PAPPA: variants seen among roughly 807,000 people sequenced by gnomAD.
The protein encoded by PAPPA is pappalysin-1.
In PAPPA, 60 loss-of-function variants were observed where a neutral mutation model predicts 164.0. That is an observed-to-expected ratio of 0.37 (90% CI 0.30 to 0.45). PAPPA has a LOEUF of 0.45. Among genes scored for constraint, PAPPA ranks in the 20% least tolerant of loss-of-function variants. PAPPA has a pLI of 1.00. For missense variants in PAPPA, 1,782 were observed against 2,087.3 expected, an observed-to-expected ratio of 0.85 and a Z score of 2.85; for synonymous variants, 875 against 814.1, an observed-to-expected ratio of 1.07 and a Z score of -1.27.
At position 116,265,919 on chromosome 9, in the gene PAPPA, G is replaced by C. The variant is rs777240844; in HGVS notation, c.2795G>C (p.Ser932Thr). Residue 932 changes from serine to threonine, a missense_variant, in exon 8 of 22, where the codon AGT (serine) becomes ACT (threonine). Ser to Thr is a moderately conservative substitution (Grantham distance 58). Transcript: ENST00000328252. ...ATAACTATTTCAGGAACTGAAGAGA[G>C]TGAGCCATCACCTGCTGTCACATAC... Reference protein sequence around the residue: ...WVITISGTEESEPSPAVTYIH... With the variant: ...WVITISGTEETEPSPAVTYIH... The C allele has an allele frequency of 2.5e-6, 4 of 1,612,454 alleles. No individual in the cohort carries two copies. The South Asian group carries it at 4.4e-5, about 18-fold the overall frequency.
intron 2 of PAPPA, among the ~76,000 whole-genome samples, chr9:116,189,976 A>G (rs1465985288): frequency 6.6e-6 from 1 of 152,246 alleles, no homozygotes; most frequent in Non-Finnish European, 1.5e-5. Context: ...GCTCCAAGAC[A>G]TGAGCAGCCC....
Position 116,187,965 on chromosome 9 carries a change from C to G in PAPPA, c.1227C>G (p.Leu409=), listed in dbSNP as rs369078654. The G allele has an allele frequency of 1.2e-6, 2 of 1,614,220 alleles. No individual in the cohort carries two copies. The highest frequency in any genetic ancestry group is 1.7e-5 in the Admixed American group (1 of 60,036). Residue 409 remains leucine, a synonymous_variant, in exon 2 of 22, where the codon CTC becomes CTG. Coordinates refer to ENST00000328252, the MANE Select transcript of PAPPA (RefSeq NM_002581.5). This position sits in a 1 kb window ranked among gnomAD's most constrained non-coding sequence, Gnocchi z 4.2. ...GCAACTCCTCCCTTCGCCGCCGCCT[C>G]ATCCTGGCCAACTGTGACATCAGCA... The part of the protein sequence containing the change: ...EVSNSSLRRR[L]ILANCDISKI...
chr9:116,211,919 C>A lies in PAPPA; in HGVS notation c.1905C>A (p.Phe635Leu), dbSNP rs1209100542. 5 of 1,614,008 alleles carry A rather than the reference C, an allele frequency of 3.1e-6. No homozygotes were observed. Among genetic ancestry groups the A allele is most frequent in the Non-Finnish European group, 4.2e-6 (5 of 1,179,930 alleles). Reference protein sequence around the residue: ...HSFFNTPYNNFMSYADDDCTD... With the variant: ...HSFFNTPYNNLMSYADDDCTD... ...TCTTCAACACTCCTTACAACAACTT[C>A]ATGAGCTATGCAGGTAGGGCCCTAC... The change falls in exon 4 of 22, where the codon TTC becomes TTA. Residue 635 changes from phenylalanine (F) to leucine (L), a missense_variant. Phe to Leu is a conservative substitution (Grantham distance 22). Transcript: ENST00000328252.
intron 9 of PAPPA, among the ~76,000 whole-genome samples, chr9:116,284,575 T>C (rs965109891): frequency 1.7e-5 from 2 of 115,324 alleles, no homozygotes; most frequent in South Asian, 3.2e-4. Flanking sequence ...TTTTGACCCA[T>C]GAACTTGTAT....
intron 10 of PAPPA, among the ~76,000 whole-genome samples, chr9:116,305,781 C>T (rs1310090962): frequency 3.9e-5 from 6 of 152,140 alleles, no homozygotes; most frequent in African/African-American, 1.4e-4. Context: ...TCCTTGGGAA[C>T]ATGAGGTCAC....
At chr9:116,350,086 C>T (rs1304401554) in intron 15 of PAPPA, among the ~76,000 whole-genome samples, 1 of 152,206 alleles carries the variant, frequency 6.6e-6, no homozygotes, top group Non-Finnish European at 1.5e-5. Flanking sequence ...CCAACAACTC[C>T]ACCATTAGTT....
In PAPPA at chr9:116,347,131, G is replaced by C. The variant is rs1846221090; in HGVS notation, c.3886G>C (p.Ala1296Pro). The C allele has an allele frequency of 6.2e-7, 1 of 1,614,144 alleles. No individual in the cohort carries two copies. The change falls in exon 15 of 22, where the codon GCC becomes CCC. Residue 1296 changes from alanine (A) to proline (P), a missense_variant. Physicochemically the swap from Ala to Pro is conservative, Grantham distance 27 (BLOSUM62 -1). Transcript: ENST00000328252. This position sits in a 1 kb window ranked among gnomAD's most constrained non-coding sequence, Gnocchi z 4.5. ...SIPDHHQVYA[A>P]SFSCPEGTTF... The stretch of plus-strand genomic sequence containing the variant: ...CCCAGATCACCATCAAGTCTATGCT[G>C]CCTCCTTCTCCTGCCCTGAGGGCAC...
intron 10 of PAPPA, among the ~76,000 whole-genome samples, chr9:116,306,132 G>A (rs1403888339): frequency 1.3e-5 from 2 of 152,138 alleles, no homozygotes; most frequent in East Asian, 1.9e-4. Context: ...TGATAAATGC[G>A]AAGGTGTTTA....
At chr9:116,207,904 T>C (rs542438679) in intron 3 of PAPPA, among the ~76,000 whole-genome samples, 3 of 152,184 alleles carry the variant, frequency 2.0e-5, no homozygotes, top group Non-Finnish European at 2.9e-5. Context: ...CAGTCACAAT[T>C]GGAATTTAAG....
chr9:116,382,510 T>G lies in PAPPA; in HGVS notation c.4776+17T>G. The G allele has an allele frequency of 6.6e-7, 1 of 1,507,690 alleles. No homozygotes were observed. The highest frequency in any genetic ancestry group is 9.2e-7 in the Non-Finnish European group (1 of 1,082,884). The allele number at this position is 1,507,690 out of a possible 1,614,324, so 93.4% of individuals were successfully genotyped here. ...ACCAAAAAGGTAGGCCAGTGTGCAC[T>G]CCTCGGCAGCTGCCTCCTGCCCACT... On this transcript the variant is annotated intron_variant, in intron 21 of 21. Coordinates refer to ENST00000328252, the MANE Select transcript of PAPPA (RefSeq NM_002581.5).
chr9:116,344,826 T>C (rs1846187069), intron 14 of PAPPA, 115 bp downstream of exon 14: 1 of 768,504 alleles, frequency 1.3e-6, no homozygotes, highest in South Asian at 2.1e-5. Context: ...TGCCACATAG[T>C]AGGTGCTCAA....
intron 7 of PAPPA, among the ~76,000 whole-genome samples, chr9:116,261,837 T>C (rs780678708): frequency 2.6e-5 from 4 of 152,130 alleles, no homozygotes; most frequent in Non-Finnish European, 5.9e-5. Flanking sequence ...CTATGGCACA[T>C]ATGCCATTTG....
intron 2 of PAPPA, among the ~76,000 whole-genome samples, chr9:116,195,581 G>A (rs575371813): frequency 5.5e-4 from 84 of 152,314 alleles, no homozygotes; most frequent in Non-Finnish European, 1.0e-3. Flanking sequence ...GAAAGTAACA[G>A]TCTAGTGCAT....
intron 1 of PAPPA, among the ~76,000 whole-genome samples, chr9:116,184,972 C>T (rs1435096793): frequency 3.9e-5 from 6 of 152,164 alleles, no homozygotes; most frequent in Non-Finnish European, 8.8e-5. Context: ...GGTGAGAACA[C>T]AGGCAACTCC....
At chr9:116,192,219 A>C (rs1345836987) in intron 2 of PAPPA, among the ~76,000 whole-genome samples, 1 of 152,202 alleles carries the variant, frequency 6.6e-6, no homozygotes, top group Non-Finnish European at 1.5e-5. Flanking sequence ...GACACAGAGC[A>C]GGGTGGGGAG....
At chr9:116,212,028 T>G (rs1844314607) in intron 4 of PAPPA, 96 bp downstream of exon 4, 17 of 1,080,274 alleles carry the variant, frequency 1.6e-5, no homozygotes, top group Non-Finnish European at 2.3e-5. Flanking sequence ...ACTTACCATT[T>G]CTAAGGATGG....
chr9:116,217,029 T>C (rs1046513879), intron 4 of PAPPA, among the ~76,000 whole-genome samples: 1 of 152,190 alleles, frequency 6.6e-6, no homozygotes, highest in Non-Finnish European at 1.5e-5. Context: ...AGAGAGCCAC[T>C]GTGCCCAGCC....
chr9:116,378,209 A>G (rs10817881), intron 20 of PAPPA, among the ~76,000 whole-genome samples: 98,288 of 151,988 alleles, frequency 0.65, 32,430 homozygotes, highest in Middle Eastern at 0.72. Flanking sequence ...CTTAAATTCT[A>G]TGACTTCACA....
At position 116,398,665 on chromosome 9, in the gene PAPPA, T is replaced by A; in HGVS notation, c.*2049T>A. 1.8e-6 allele frequency: 1 copy of A among 557,894 alleles called. No homozygotes were observed. Among genetic ancestry groups the A allele is most frequent in the African/African-American group, 1.9e-5 (1 of 52,172 alleles). The allele number at this position is 557,894 out of a possible 1,614,324, so 34.6% of individuals were successfully genotyped here. A position where few individuals can be genotyped will look rare whatever the true frequency, so the allele number is the denominator to read the frequency against. On this transcript the variant is annotated 3_prime_UTR_variant, in exon 22 of 22. Coordinates refer to ENST00000328252, the MANE Select transcript of PAPPA (RefSeq NM_002581.5). ...GTGCCCACAAATACGGATGCAGTGC[T>A]GAGATAGTTTATGAGACTTGTACCA...
Sources: gnomAD v4.1 joint callset for allele counts (sites outside exome capture counted in the v4.1 genomes callset) on GRCh38, gnomAD v4.1.1 for gene constraint, Gnocchi (gnomAD v3.1) non-coding constraint, MANE v1.5 for transcripts, NCBI Gene and HGNC (gene_info 2026-07-23, HGNC 2026-07-21) for gene names.